Variants in MARCHF3 observed in about 807,000 individuals in gnomAD.
MARCHF3 encodes membrane associated ring-CH-type finger 3.
A neutral mutation model predicts 24.2 loss-of-function variants in MARCHF3; 13 were observed. The observed-to-expected ratio is 0.54, with a 90% CI of 0.35 to 0.85. The LOEUF is 0.85. MARCHF3 is among the 40% of genes least tolerant of loss of function. The probability of loss-of-function intolerance (pLI) is 0.01; values close to 1 mark genes in which losing one functional copy is unlikely to be tolerated. For synonymous variants in MARCHF3, 144 were observed against 137.3 expected (o/e 1.05, Z -0.34); for missense variants, 276 against 325.0 (o/e 0.85, Z 1.16).
intron 4 of MARCHF3, among the ~76,000 whole-genome samples, chr5:126,874,686 G>A (rs1010896992): frequency 1.4e-4 from 22 of 152,000 alleles, no homozygotes; most frequent in African/African-American, 4.6e-4. Context: ...TAGGGATATC[G>A]ATGGGACTAG....
chr5:126,908,374 C>G (rs1238177757), intron 3 of MARCHF3, among the ~76,000 whole-genome samples: 1 of 152,116 alleles, frequency 6.6e-6, no homozygotes, highest in Non-Finnish European at 1.5e-5. Flanking sequence ...GCCTGCCTTG[C>G]TAGATTGGGG....
chr5:126,934,187 A>AT (rs996597201), intron 1 of MARCHF3, among the ~76,000 whole-genome samples: 9 of 151,808 alleles, frequency 5.9e-5, no homozygotes, highest in East Asian at 5.8e-4. Flanking sequence ...TTATTTATTT[A>AT]TTTTTTTTAC....
intron 1 of MARCHF3, among the ~76,000 whole-genome samples, chr5:126,997,964 G>A (rs1431416698): frequency 6.6e-6 from 1 of 152,106 alleles, no homozygotes; most frequent in Non-Finnish European, 1.5e-5. Flanking sequence ...TATTACAGAA[G>A]TCCATTGGAG....
chr5:126,909,886 GA>G (rs769141801), intron 3 of MARCHF3, among the ~76,000 whole-genome samples: 7 of 151,040 alleles, frequency 4.6e-5, no homozygotes, highest in East Asian at 1.9e-4. Context: ...AAAAAAGTTT[GA>G]AAAAAAAATC....
chr5:126,916,287 T>C (rs1360904224), intron 2 of MARCHF3, among the ~76,000 whole-genome samples: 3 of 152,212 alleles, frequency 2.0e-5, no homozygotes, highest in Non-Finnish European at 2.9e-5. Flanking sequence ...CCTCATGATA[T>C]GTGACAATCC....
At position 126,912,296 on chromosome 5, in the gene MARCHF3, T is replaced by G. The variant is rs370316652; in HGVS notation, c.393+2634A>C. Among the ~76,000 whole-genome samples the G allele has an allele frequency of 1.6e-4, 24 of 152,320 alleles. No homozygotes were observed. In the East Asian group the frequency reaches 3.1e-3, roughly 20 times the overall value. Reference sequence around the variant, plus strand: ...AGGACTGAGAGGGTTTATTGACAACTGGAAGTCTGAGGTGTTAAAAGTAAT... The same window carrying G: ...AGGACTGAGAGGGTTTATTGACAACGGGAAGTCTGAGGTGTTAAAAGTAAT... On this transcript the variant is annotated intron_variant, in intron 3 of 4. Transcript: ENST00000308660.
chr5:126,961,207 C>T (rs1456359263), intron 1 of MARCHF3, among the ~76,000 whole-genome samples: 1 of 152,146 alleles, frequency 6.6e-6, no homozygotes, highest in Non-Finnish European at 1.5e-5. Flanking sequence ...CAAGCACAAA[C>T]ACAGGTCCTT....
intron 4 of MARCHF3, 88 bp downstream of exon 4, chr5:126,878,097 A>G: frequency 4.6e-6 from 6 of 1,299,882 alleles, no homozygotes; most frequent in Non-Finnish European, 6.6e-6. Flanking sequence ...GGCAGGTGAG[A>G]TGTGTTACAG....
At chr5:126,980,880 G>T (rs1000070993) in intron 1 of MARCHF3, among the ~76,000 whole-genome samples, 1 of 152,162 alleles carries the variant, frequency 6.6e-6, no homozygotes, top group Admixed American at 6.5e-5. Context: ...GTTTAGTGAG[G>T]GAAGTGGTGG....
At position 126,907,853 on chromosome 5, in the gene MARCHF3, T is replaced by C. The variant is rs1453644122; in HGVS notation, c.393+7077A>G. ...TTAATATTGTTATGTGTGAATTTGA[T>C]CCTGTCATTATGATGTTAGCTGATT... On this transcript the variant is annotated intron_variant, in intron 3 of 4. Coordinates refer to ENST00000308660, the MANE Select transcript of MARCHF3 (RefSeq NM_178450.5). Among the ~76,000 whole-genome samples the C allele has an allele frequency of 5.9e-5, 9 of 151,748 alleles. No individual in the cohort carries two copies. The East Asian group carries it at 1.7e-3, about 29-fold the overall frequency.
intron 1 of MARCHF3, among the ~76,000 whole-genome samples, chr5:127,011,420 C>T (rs1262555392): frequency 6.6e-5 from 10 of 152,316 alleles, no homozygotes; most frequent in African/African-American, 2.4e-4. Context: ...TGGCTATGCT[C>T]ACAATCCAAG....
At position 126,912,762 on chromosome 5, in the gene MARCHF3, T is replaced by G. The variant is rs140271859; in HGVS notation, c.393+2168A>C. On this transcript the variant is annotated intron_variant, in intron 3 of 4. Transcript: ENST00000308660. ...ACCAAAGACAACTTCTTTTTATTGC[T>G]TGTGGTCAAACAGCAAGTTCATTTC... 3.7e-3 allele frequency among the ~76,000 whole-genome samples: 562 copies of G among 152,338 alleles called. 3 individuals carry two copies. The highest frequency in any genetic ancestry group is 6.4e-3 in the Non-Finnish European group (437 of 68,028).
At chr5:126,878,531 A>G (rs1753246024) in intron 3 of MARCHF3, 137 bp from the exon 4 acceptor site, 1 of 750,228 alleles carries the variant, frequency 1.3e-6, no homozygotes, top group Admixed American at 2.6e-5. Context: ...TGAGATAACA[A>G]GGAAGTGTTC....
chr5:127,024,462 T>C (rs1056362660), intron 1 of MARCHF3, among the ~76,000 whole-genome samples: 2 of 152,092 alleles, frequency 1.3e-5, no homozygotes, highest in African/African-American at 4.8e-5. Context: ...CAGATAAGGG[T>C]TCTGCCTGAA....
intron 1 of MARCHF3, among the ~76,000 whole-genome samples, chr5:127,023,539 T>C (rs753288946): frequency 8.6e-5 from 13 of 151,992 alleles, no homozygotes; most frequent in Non-Finnish European, 1.5e-4. Flanking sequence ...AAGACTAGCC[T>C]GGCCAACATG....
chr5:126,969,974 T>C (rs1395492282), intron 1 of MARCHF3, among the ~76,000 whole-genome samples: 2 of 152,222 alleles, frequency 1.3e-5, no homozygotes, highest in Non-Finnish European at 2.9e-5. Context: ...GATAATAATC[T>C]ACTGAGAAAT....
chr5:126,872,935 G>C (rs1753022869), intron 4 of MARCHF3, among the ~76,000 whole-genome samples: 1 of 152,120 alleles, frequency 6.6e-6, no homozygotes, highest in Admixed American at 6.5e-5. Flanking sequence ...GGAGAGGCAG[G>C]CTGGGAAGCC....
At chr5:126,981,450 AAG>A in intron 1 of MARCHF3, among the ~76,000 whole-genome samples, 1 of 152,220 alleles carries the variant, frequency 6.6e-6, no homozygotes, top group Non-Finnish European at 1.5e-5. Flanking sequence ...CTAACTTAGT[AAG>A]ACGAGTCTTC....
intron 1 of MARCHF3, among the ~76,000 whole-genome samples, chr5:127,004,601 T>A (rs190005924): frequency 1.2e-4 from 18 of 152,270 alleles, no homozygotes; most frequent in African/African-American, 4.3e-4. Context: ...TTTCTTCTAT[T>A]TGCCAATTTA....
Sources: allele counts gnomAD v4.1 joint callset (sites outside exome capture counted in the v4.1 genomes callset), GRCh38; gene constraint gnomAD v4.1.1; transcripts MANE v1.5; gene names NCBI Gene and HGNC (gene_info 2026-07-23, HGNC 2026-07-21).